EML2: variants seen among roughly 807,000 people sequenced by gnomAD.
EML2 encodes the protein echinoderm microtubule-associated protein-like 2.
A neutral mutation model predicts 84.7 loss-of-function variants in EML2; 59 were observed. The ratio of observed to expected loss-of-function variants is 0.70; its 90% CI spans 0.56 to 0.86. The LOEUF is 0.86. Ranked by LOEUF, EML2 falls within the 40% of genes least tolerant of loss-of-function variation. EML2 has a pLI of 0.00. For missense variants in EML2, 818 were observed against 855.6 expected (o/e 0.96, Z 0.55); for synonymous variants, 352 against 348.9 (o/e 1.01, Z -0.10).
intron 7 of EML2, among the ~76,000 whole-genome samples, chr19:45,628,990 C>T (rs1419189791): frequency 6.6e-6 from 1 of 152,078 alleles, no homozygotes; most frequent in African/African-American, 2.4e-5. Context: ...AGAGGGAAAT[C>T]GAGACACCAG....
chr19:45,632,496 TAA>T (rs950003511), intron 6 of EML2: 57 of 179,740 alleles, frequency 3.2e-4, no homozygotes, highest in East Asian at 9.7e-4. Flanking sequence ...GATTTTTTTT[TAA>T]AAAAAAGCCC....
At position 45,626,581 on chromosome 19, in the gene EML2, G is replaced by A. The variant is rs568009541; in HGVS notation, c.741+124C>T. ...GAGAAAGAAACTGAGGCCCCAGCAG[G>A]CAACATCTCAGCGTCCCTGTAATCC... On this transcript the variant is annotated intron_variant, in intron 8 of 18. Transcript: ENST00000245925. 10 of 1,110,170 alleles carry A rather than the reference G, an allele frequency of 9.0e-6. No homozygotes were observed. In the African/African-American group the frequency reaches 1.1e-4, roughly 12 times the overall value. 68.8% of individuals were successfully genotyped at this position (1,110,170 alleles called of 1,614,324 possible).
chr19:45,632,888 G>T lies in EML2; in HGVS notation c.483C>A (p.Ala161=). The T allele has an allele frequency of 6.2e-7, 1 of 1,614,116 alleles. No homozygotes were observed. Among genetic ancestry groups the T allele is most frequent in the Non-Finnish European group, 8.5e-7 (1 of 1,179,974 alleles). The change falls in exon 6 of 19, where the codon GCC becomes GCA. Residue 161 remains alanine, a synonymous_variant. Coordinates refer to ENST00000245925, the MANE Select transcript of EML2 (RefSeq NM_012155.4). ...ATTTGGAGAAGCCCACACAGCACAC[G>T]GCTCTGTCAAACACCCCCAAGCCCA... ...HVLGLGVFDR[A]VCCVGFSKSN...
chr19:45,643,491 G>C, upstream of EML2: 3 of 1,493,096 alleles, frequency 2.0e-6, no homozygotes, highest in South Asian at 3.7e-5. Flanking sequence ...TCCCCGAGTC[G>C]CCCCCCCAAC....
rs749973349 is a variant in EML2, at chr19:45,614,776, G to A, written c.1598-76C>T. ...AAACCCATCCCTTTCTTAGACAATC[G>A]GAGCTGAGGTCCAAGACAGAGGAGG... On this transcript the variant is annotated intron_variant, in intron 16 of 18. Transcript: ENST00000245925. 6.2e-5 allele frequency: 77 copies of A among 1,244,896 alleles called. 1 individual carries two copies. In the Admixed American group the frequency reaches 8.0e-4, roughly 13 times the overall value. 77.1% of individuals were successfully genotyped at this position (1,244,896 alleles called of 1,614,324 possible). A position where few individuals can be genotyped will look rare whatever the true frequency, so the allele number is the denominator to read the frequency against.
chr19:45,633,065 A>G lies in EML2; in HGVS notation c.399+5T>C. ...TCTTTTCTGCTTTCCCCTCCCTTCC[A>G]TTACCTTCCCTTCCTTAGTGGTTCC... On this transcript the variant is annotated splice_donor_5th_base_variant and intron_variant, in intron 5 of 18. Coordinates refer to ENST00000245925, the MANE Select transcript of EML2 (RefSeq NM_012155.4). 6.3e-7 allele frequency: 1 copy of G among 1,589,940 alleles called. No individual in the cohort carries two copies. Among genetic ancestry groups the G allele is most frequent in the Non-Finnish European group, 8.6e-7 (1 of 1,168,704 alleles).
At position 45,609,709 on chromosome 19, in the gene EML2, G is replaced by A. The variant is rs746540115; in HGVS notation, c.1904C>T (p.Thr635Ile). 1 of 1,613,588 alleles carries A rather than the reference G, an allele frequency of 6.2e-7. No individual in the cohort carries two copies. Among genetic ancestry groups the A allele is most frequent in the Admixed American group, 1.7e-5 (1 of 59,896 alleles). ...CACACTGGTGTCCTTGCCCCCTGTG[G>A]TCAGGGCCATGCTGTCATCCCACAA... Reference protein sequence around the residue: ...AFLWDDSMALTTGGKDTSVLQ... With the variant: ...AFLWDDSMALITGGKDTSVLQ... The change falls in exon 19 of 19, where the codon ACC becomes ATC. Residue 635 changes from threonine (T) to isoleucine (I), a missense_variant. Thr to Ile is a moderately conservative substitution (Grantham distance 89). Transcript: ENST00000245925.
At chr19:45,645,365 C>T (rs1031340798), upstream of EML2, 1 of 1,527,222 alleles carries the variant, frequency 6.5e-7, no homozygotes, top group South Asian at 1.2e-5. Flanking sequence ...ACCGCCGGCC[C>T]CCCCGGTCCC....
At chr19:45,611,857 G>T (rs558896865) in intron 18 of EML2, among the ~76,000 whole-genome samples, 1 of 151,956 alleles carries the variant, frequency 6.6e-6, no homozygotes, top group East Asian at 1.9e-4. Context: ...ATGCGTTTTC[G>T]TGTGTGTGGG....
At chr19:45,610,286 A>C (rs972216345) in intron 18 of EML2, among the ~76,000 whole-genome samples, 5 of 152,206 alleles carry the variant, frequency 3.3e-5, no homozygotes, top group Admixed American at 6.5e-5. Flanking sequence ...AATCCGAGCT[A>C]CTTCGGAGGC....
At chr19:45,632,785 G>A (rs1293652110) in intron 6 of EML2, 76 bp downstream of exon 6, 10 of 1,287,156 alleles carry the variant, frequency 7.8e-6, no homozygotes, top group East Asian at 2.4e-5. Context: ...CAACCCAAGG[G>A]GCGGGTGAAA....
rs777175792 is a variant in EML2 at position 45,613,564 on chromosome 19, T to C, written c.1801A>G (p.Ser601Gly). Residue 601 changes from serine (S) to glycine (G), a missense_variant, in exon 18 of 19, where the codon AGC (serine) becomes GGC (glycine). Physicochemically the swap from Ser to Gly is moderately conservative, Grantham distance 56. Transcript: ENST00000245925. ...ACTCGAGGCTGACAGCAGGGGTAGC[T>C]AAACAGGTGAACTTTGCCAAAGTCA... ...ADDFGKVHLF[S>G]YPCCQPRALS... is the part of the protein sequence containing the mutation. 2 of 1,614,024 alleles carry C rather than the reference T, an allele frequency of 1.2e-6. No individual in the cohort carries two copies. Among genetic ancestry groups the C allele is most frequent in the South Asian group, 2.2e-5 (2 of 91,076 alleles).
chr19:45,642,391 G>C, upstream of EML2: 1 of 1,520,840 alleles, frequency 6.6e-7, no homozygotes, highest in Non-Finnish European at 8.8e-7. Flanking sequence ...GGCCACCCAG[G>C]AGCTCCAGTG....
At position 45,639,383 on chromosome 19, in the gene EML2, G is replaced by A. The variant is rs758907922; in HGVS notation, c.-7C>T. On this transcript the variant is annotated 5_prime_UTR_variant, in exon 1 of 19. Coordinates refer to ENST00000245925, the MANE Select transcript of EML2 (RefSeq NM_012155.4). ...CAGCTCCAAAGCTACTCATGGCGGC[G>A]GGTGGCGGAGCTTCGGGGCCGGGGG... 77 of 1,262,146 alleles carry A rather than the reference G, an allele frequency of 6.1e-5. No individual in the cohort carries two copies. Among genetic ancestry groups the A allele is most frequent in the Admixed American group, 4.2e-4 (10 of 23,952 alleles). The allele number at this position is 1,262,146 out of a possible 1,614,324, so 78.2% of individuals were successfully genotyped here. A position where few individuals can be genotyped will look rare whatever the true frequency, so the allele number is the denominator to read the frequency against.
upstream of EML2, chr19:45,642,269 C>T: frequency 6.5e-7 from 1 of 1,535,990 alleles, no homozygotes; most frequent in African/African-American, 1.4e-5. Context: ...ACCGCCAGCT[C>T]GTCTTCCTGT....
chr19:45,612,577 G>A (rs1276549593), intron 18 of EML2, among the ~76,000 whole-genome samples: 1 of 152,156 alleles, frequency 6.6e-6, no homozygotes, highest in African/African-American at 2.4e-5. Context: ...AGAAGGCTGA[G>A]GTGGGCGGAC....
chr19:45,616,467 C>T lies in EML2; in HGVS notation c.1503G>A (p.Lys501=), dbSNP rs1442029794. 1 of 1,587,674 alleles carries T rather than the reference C, an allele frequency of 6.3e-7. No homozygotes were observed. The highest frequency in any genetic ancestry group is 8.6e-7 in the Non-Finnish European group (1 of 1,161,064). Residue 501 remains lysine, a synonymous_variant, in exon 15 of 19, where the codon AAG becomes AAA. Transcript: ENST00000245925. ...GGGGCCACTGCCCACTCACCGAGCA[C>T]TTGCCCAGGCGGCTGACCTTGCGGC... ...QGGRKVSRLG[K]CSGHSSFITH... is the part of the protein sequence containing the mutation.
At position 45,618,515 on chromosome 19, in the gene EML2, C is replaced by G. The variant is rs139398913; in HGVS notation, c.1254+545G>C. On this transcript the variant is annotated intron_variant, in intron 12 of 18. Transcript: ENST00000245925. The stretch of plus-strand genomic sequence containing the variant: ...TGAACTCAGCGGCTCCTGACTCCCC[C>G]CTCCTCATGGCGGCACCCCTGACAG... Among the ~76,000 whole-genome samples the G allele has an allele frequency of 3.3e-3, 509 of 152,198 alleles. 1 individual carries two copies. Among genetic ancestry groups the G allele is most frequent in the Middle Eastern group, 6.8e-3 (2 of 294 alleles).
chr19:45,644,186 T>A (rs1456541502), upstream of EML2, among the ~76,000 whole-genome samples: 1 of 152,250 alleles, frequency 6.6e-6, no homozygotes, highest in Non-Finnish European at 1.5e-5. Flanking sequence ...TAGGATTAAC[T>A]ATTTTTATGA....
Sources: allele counts gnomAD v4.1 joint callset (sites outside exome capture counted in the v4.1 genomes callset), GRCh38; gene constraint gnomAD v4.1.1; transcripts MANE v1.5; gene names NCBI Gene and HGNC (gene_info 2026-07-23, HGNC 2026-07-21).